CES5A: variants seen among roughly 807,000 people sequenced by gnomAD.
CES5A encodes the protein carboxylesterase 5A.
In CES5A, 67 loss-of-function variants were observed where a neutral mutation model predicts 62.9. That is an observed-to-expected ratio of 1.07 (90% CI 0.88 to 1.31). The LOEUF (loss-of-function observed/expected upper bound fraction) is 1.31, where lower values mean the gene tolerates loss of function less well. Among genes scored for constraint, CES5A ranks in the 50% most tolerant of loss-of-function variants. CES5A has a pLI of 0.00. For missense variants in CES5A, 748 were observed against 708.5 expected (o/e 1.06, Z -0.63); for synonymous variants, 296 against 280.8 (o/e 1.05, Z -0.54).
intron 1 of CES5A, among the ~76,000 whole-genome samples, chr16:55,906,845 G>A (rs2034044369): frequency 6.6e-6 from 1 of 152,226 alleles, no homozygotes; most frequent in African/African-American, 2.4e-5. Flanking sequence ...CCAGCATGGT[G>A]TGCTTGAGGC....
Position 55,873,927 on chromosome 16 carries a change from A to AT in CES5A, c.183_184insA (p.Phe62IlefsTer22). On this transcript the variant is annotated frameshift_variant, in exon 2 of 13. Transcript: ENST00000290567. LOFTEE classifies it high-confidence loss of function. Reference sequence around the variant, plus strand: ...AGGGATCCCAGCGGGGGAGCAGCAAAGGGGACTCCGAGGAACACGTTCACA... The same window carrying AT: ...AGGGATCCCAGCGGGGGAGCAGCAAATGGGGACTCCGAGGAACACGTTCACA... 1 of 1,613,878 alleles carries AT rather than the reference A, an allele frequency of 6.2e-7. No individual in the cohort carries two copies. The highest frequency in any genetic ancestry group is 1.1e-5 in the South Asian group (1 of 90,870).
intron 1 of CES5A, among the ~76,000 whole-genome samples, chr16:55,895,737 A>G (rs1191848034): frequency 2.6e-5 from 4 of 152,240 alleles, no homozygotes; most frequent in African/African-American, 9.6e-5. Flanking sequence ...TTTACACGTG[A>G]GAAGAACATG....
chr16:55,894,333 C>T (rs2033909919), intron 1 of CES5A, among the ~76,000 whole-genome samples: 1 of 151,428 alleles, frequency 6.6e-6, no homozygotes, highest in Non-Finnish European at 1.5e-5. Context: ...ATAGTGAAAC[C>T]CCATCTCTAC....
rs553713079 is a variant in CES5A at position 55,852,817 on chromosome 16, T to C, written c.1273+64A>G. On this transcript the variant is annotated intron_variant, in intron 10 of 12. Coordinates refer to ENST00000290567, the MANE Select transcript of CES5A (RefSeq NM_001143685.2). The stretch of plus-strand genomic sequence containing the variant: ...GAAGGCAGCCGCTCAGTAGACAATA[T>C]GGATTTCCGTGGCCACCAGCCTCAC... 7 of 1,554,544 alleles carry C rather than the reference T, an allele frequency of 4.5e-6. No homozygotes were observed. In the South Asian group the frequency reaches 8.4e-5, roughly 19 times the overall value.
At chr16:55,889,009 T>C (rs2033846179) in intron 1 of CES5A, among the ~76,000 whole-genome samples, 1 of 152,152 alleles carries the variant, frequency 6.6e-6, no homozygotes, top group Non-Finnish European at 1.5e-5. Flanking sequence ...CTTCTCTCTT[T>C]AATTTGACAG....
At chr16:55,869,044 C>T (rs564812958) in intron 4 of CES5A, among the ~76,000 whole-genome samples, 1 of 152,310 alleles carries the variant, frequency 6.6e-6, no homozygotes, top group South Asian at 2.1e-4. Context: ...CTCAGGTGAG[C>T]ATTCGAGAAG....
chr16:55,902,750 A>T (rs1300540714), intron 1 of CES5A, among the ~76,000 whole-genome samples: 1 of 152,170 alleles, frequency 6.6e-6, no homozygotes, highest in Non-Finnish European at 1.5e-5. Flanking sequence ...ATATATAGGA[A>T]GACATGGGGG....
rs559382501 is a variant in CES5A, at chr16:55,900,955, G to T, written c.-256+24368C>A. Among the ~76,000 whole-genome samples the T allele has an allele frequency of 2.0e-5, 3 of 152,276 alleles. No individual in the cohort carries two copies. The South Asian group carries it at 6.2e-4, about 32-fold the overall frequency. ...GGAAACTGAAGCACAAAGAGGAAGG[G>T]GTTTGTGTGAGTCAGGGGGAGAGCT... On this transcript the variant is annotated intron_variant, in intron 1 of 12. Coordinates refer to the CES5A transcript ENST00000518005.
At chr16:55,870,913 G>A (rs1354619350) in intron 3 of CES5A, among the ~76,000 whole-genome samples, 2 of 152,192 alleles carry the variant, frequency 1.3e-5, no homozygotes, top group Admixed American at 6.5e-5. Flanking sequence ...TGGCTTTGGT[G>A]CCAGAATCTA....
At chr16:55,885,851 C>T (rs1033031593) in intron 1 of CES5A, among the ~76,000 whole-genome samples, 9 of 152,264 alleles carry the variant, frequency 5.9e-5, no homozygotes, top group South Asian at 2.1e-4. Context: ...CAACCAGAGC[C>T]GCCCATTATG....
chr16:55,894,621 C>G (rs1164930979), intron 1 of CES5A, among the ~76,000 whole-genome samples: 1 of 151,446 alleles, frequency 6.6e-6, no homozygotes, highest in Non-Finnish European at 1.5e-5. Context: ...TCCACAAAAA[C>G]AGTAAATATA....
At chr16:55,879,417 C>A (rs2033738298), upstream of CES5A, among the ~76,000 whole-genome samples, 1 of 151,576 alleles carries the variant, frequency 6.6e-6, no homozygotes. Flanking sequence ...ATCACTGTAC[C>A]CCACCTCTGC....
At chr16:55,867,960 G>T (rs2033498282) in intron 4 of CES5A, among the ~76,000 whole-genome samples, 2 of 152,180 alleles carry the variant, frequency 1.3e-5, no homozygotes, top group Non-Finnish European at 2.9e-5. Flanking sequence ...CCTATCTGCA[G>T]CTGGGCACCC....
upstream of CES5A, among the ~76,000 whole-genome samples, chr16:55,929,614 CT>C (rs1358367584): frequency 3.9e-5 from 6 of 152,196 alleles, no homozygotes; most frequent in Admixed American, 3.9e-4. Context: ...AAGATAAATA[CT>C]ATTTTCATGC....
At chr16:55,888,602 A>G (rs1351500348) in intron 1 of CES5A, among the ~76,000 whole-genome samples, 1 of 152,182 alleles carries the variant, frequency 6.6e-6, no homozygotes, top group Non-Finnish European at 1.5e-5. Context: ...TAAATAAACT[A>G]CCTGAACCTT....
chr16:55,901,782 G>A (rs1365571511), intron 1 of CES5A, among the ~76,000 whole-genome samples: 1 of 152,068 alleles, frequency 6.6e-6, no homozygotes, highest in Non-Finnish European at 1.5e-5. Flanking sequence ...CCAACCCAAG[G>A]GCTCTTGCAA....
chr16:55,859,143 G>A (rs1180324584), intron 8 of CES5A, among the ~76,000 whole-genome samples: 8 of 152,238 alleles, frequency 5.3e-5, no homozygotes, highest in Admixed American at 5.2e-4. Flanking sequence ...ATTCAGGGAT[G>A]TCAAAATGCC....
rs2033091093 is a variant in CES5A, at chr16:55,849,765, C to G, written c.1282G>C (p.Ala428Pro). ...CGAAACTCATAGAAGTAGACAGGTGCACCAGCATCTGACAAAAGGTCAGGG... is the reference window on the plus strand; with the variant it reads ...CGAAACTCATAGAAGTAGACAGGTGGACCAGCATCTGACAAAAGGTCAGGG... The part of the protein sequence containing the change: ...ITARYHRDAG[A>P]PVYFYEFRHR... Residue 428 changes from alanine to proline, a missense_variant, in exon 11 of 13, where the codon GCA becomes CCA. By Grantham distance (27) the Ala-to-Pro change is conservative (BLOSUM62 -1). Transcript: ENST00000290567. 6.2e-7 allele frequency: 1 copy of G among 1,613,660 alleles called. No individual in the cohort carries two copies. The highest frequency in any genetic ancestry group is 8.5e-7 in the Non-Finnish European group (1 of 1,179,838).
At chr16:55,854,860 A>AAAT (rs569814726) in intron 9 of CES5A, among the ~76,000 whole-genome samples, 392 of 152,182 alleles carry the variant, frequency 2.6e-3, no homozygotes, top group South Asian at 0.025. Context: ...AATAGAAATC[A>AAAT]AATGTCCTTC....
Sources: allele counts gnomAD v4.1 joint callset (sites outside exome capture counted in the v4.1 genomes callset), GRCh38; gene constraint gnomAD v4.1.1; transcripts MANE v1.5; gene names NCBI Gene and HGNC (gene_info 2026-07-23, HGNC 2026-07-21).